AFG2A: variants seen among roughly 807,000 people sequenced by gnomAD.
AFG2A encodes the protein ATPase family gene 2 protein homolog A.
At chr4:123,263,789 GA>G in the AFG2A span, among the ~76,000 whole-genome samples, 1 of 152,184 alleles carries the variant, frequency 6.6e-6, no homozygotes, top group African/African-American at 2.4e-5. Context: ...AATCACTATG[GA>G]AAACAGTGTA....
At chr4:122,963,553 A>G in the AFG2A span, among the ~76,000 whole-genome samples, 2 of 152,154 alleles carry the variant, frequency 1.3e-5, no homozygotes, top group East Asian at 3.9e-4. Flanking sequence ...GAGGAAACTT[A>G]TGTCAGATTA....
At chr4:122,954,077 A>G in the AFG2A span, among the ~76,000 whole-genome samples, 1 of 152,156 alleles carries the variant, frequency 6.6e-6, no homozygotes, top group African/African-American at 2.4e-5. Flanking sequence ...TGCCATCACA[A>G]AGGAGATATG....
the AFG2A span, among the ~76,000 whole-genome samples, chr4:123,089,344 G>T: frequency 6.6e-6 from 1 of 152,172 alleles, no homozygotes; most frequent in Non-Finnish European, 1.5e-5. Flanking sequence ...GTTATTGGGT[G>T]TGTATCTCCT....
At chr4:123,145,693 C>T in the AFG2A span, among the ~76,000 whole-genome samples, 3 of 152,042 alleles carry the variant, frequency 2.0e-5, no homozygotes, top group South Asian at 6.2e-4. Context: ...TGAGAATTCA[C>T]TACATAAAAT....
At chr4:123,111,285 T>A in the AFG2A span, among the ~76,000 whole-genome samples, 2 of 152,212 alleles carry the variant, frequency 1.3e-5, no homozygotes, top group African/African-American at 4.8e-5. Flanking sequence ...GTATTCTGAC[T>A]TAGCATAGAG....
At chr4:123,040,557 C>T in the AFG2A span, among the ~76,000 whole-genome samples, 1 of 152,204 alleles carries the variant, frequency 6.6e-6, no homozygotes, top group Non-Finnish European at 1.5e-5. Flanking sequence ...ACGTGGAAAA[C>T]TGCCTTCAAG....
chr4:123,084,997 AG>A, the AFG2A span, among the ~76,000 whole-genome samples: 1 of 151,062 alleles, frequency 6.6e-6, no homozygotes, highest in Admixed American at 6.6e-5. Flanking sequence ...TGTGTTGTTC[AG>A]TCTTTTAAGT....
At chr4:122,987,029 C>G in the AFG2A span, among the ~76,000 whole-genome samples, 1 of 152,158 alleles carries the variant, frequency 6.6e-6, no homozygotes, top group Non-Finnish European at 1.5e-5. Context: ...TATTTACAAT[C>G]ACTATATCCA....
chr4:123,091,072 C>G, the AFG2A span, among the ~76,000 whole-genome samples: 1 of 152,188 alleles, frequency 6.6e-6, no homozygotes, highest in Non-Finnish European at 1.5e-5. Context: ...GCACCCTGTT[C>G]CAGGTTTTAT....
the AFG2A span, among the ~76,000 whole-genome samples, chr4:123,111,776 G>T: frequency 0.039 from 5,841 of 151,708 alleles, 230 homozygotes; most frequent in African/African-American, 0.1. Context: ...TCACCCTGTC[G>T]CCCAGGATGG....
At chr4:123,285,216 T>G in the AFG2A span, among the ~76,000 whole-genome samples, 1 of 152,248 alleles carries the variant, frequency 6.6e-6, no homozygotes, top group South Asian at 2.1e-4. Context: ...TTTTGCTCCA[T>G]CTGTCAGAAT....
At chr4:122,997,801 A>C in the AFG2A span, among the ~76,000 whole-genome samples, 4 of 152,104 alleles carry the variant, frequency 2.6e-5, no homozygotes, top group African/African-American at 7.2e-5. Flanking sequence ...CTTTGCTAAC[A>C]CTTGTTATTA....
At chr4:123,226,853 G>A in the AFG2A span, among the ~76,000 whole-genome samples, 9,766 of 151,962 alleles carry the variant, frequency 0.064, 1,047 homozygotes, top group African/African-American at 0.22. Context: ...ACTTTTTTTC[G>A]TTGGTAAGCT....
the AFG2A span, among the ~76,000 whole-genome samples, chr4:123,254,300 G>A: frequency 1.9e-4 from 29 of 149,810 alleles, no homozygotes; most frequent in Admixed American, 1.8e-3. Context: ...TCAGTATGGT[G>A]TGAGGTAAGG....
At chr4:123,049,101 A>G in the AFG2A span, among the ~76,000 whole-genome samples, 1 of 152,192 alleles carries the variant, frequency 6.6e-6, no homozygotes, top group East Asian at 1.9e-4. Context: ...CAGTTTTTTC[A>G]GCATCTGTTG....
the AFG2A span, among the ~76,000 whole-genome samples, chr4:122,924,748 T>G: frequency 2.3e-4 from 35 of 152,324 alleles, no homozygotes; most frequent in South Asian, 6.2e-3. Context: ...TTGATGTGGT[T>G]GCCTTTTAGC....
the AFG2A span, among the ~76,000 whole-genome samples, chr4:123,198,281 A>G: frequency 1.3e-5 from 2 of 151,954 alleles, no homozygotes; most frequent in African/African-American, 4.8e-5. Flanking sequence ...AAAAAAAAAA[A>G]AGAGCAACCA....
At chr4:122,979,430 A>G in the AFG2A span, 3 of 1,571,912 alleles carry the variant, frequency 1.9e-6, no homozygotes, top group South Asian at 2.4e-5. Flanking sequence ...TTTGAATTAA[A>G]CTCTGAAAAA....
the AFG2A span, among the ~76,000 whole-genome samples, chr4:123,001,902 G>A: frequency 3.6e-3 from 550 of 152,144 alleles, 4 homozygotes; most frequent in African/African-American, 0.013. Context: ...TTGACAGTGG[G>A]GTGTTAAAGT....
Sources: gnomAD v4.1 joint callset for allele counts (sites outside exome capture counted in the v4.1 genomes callset) on GRCh38, gnomAD v4.1.1 for gene constraint, MANE v1.5 for transcripts, NCBI Gene and HGNC (gene_info 2026-07-23, HGNC 2026-07-21) for gene names.